CLCN2: variants seen among roughly 807,000 people sequenced by gnomAD.
CLCN2 encodes chloride channel protein 2.
Under a neutral mutation model 108.3 loss-of-function variants are expected in CLCN2, and 72 were observed. The ratio of observed to expected loss-of-function variants is 0.66; its 90% CI spans 0.55 to 0.81. The LOEUF (loss-of-function observed/expected upper bound fraction) is 0.81. Ranked by LOEUF, CLCN2 falls within the 30% of genes least tolerant of loss-of-function variation. CLCN2 has a pLI of 0.00. For missense variants in CLCN2, 1,048 were observed against 1,205.2 expected (o/e 0.87, Z 1.93); for synonymous variants, 471 against 467.1 (o/e 1.01, Z -0.11).
At chr3:184,353,572 C>T in intron 16 of CLCN2, 90 bp downstream of exon 16, 1 of 1,580,134 alleles carries the variant, frequency 6.3e-7, no homozygotes, top group African/African-American at 1.3e-5. Context: ...CCCTTTGGAA[C>T]CAAGGAGACT....
In CLCN2 at chr3:184,356,989, T is replaced by G. The variant is rs1406137128; in HGVS notation, c.1085+4A>C. The G allele has an allele frequency of 6.2e-7, 1 of 1,608,938 alleles. No individual in the cohort carries two copies. Among genetic ancestry groups the G allele is most frequent in the African/African-American group, 1.3e-5 (1 of 74,736 alleles). On this transcript the variant is annotated splice_donor_region_variant and intron_variant, in intron 10 of 23. Coordinates refer to ENST00000265593, the MANE Select transcript of CLCN2 (RefSeq NM_004366.6). ...AGCCTGGAGAGGAGCCGAGAGCCAC[T>G]CACTTCCTCATGAGGAAGCGATTGA...
Position 184,352,722 on chromosome 3 carries a change from G to A in CLCN2, c.2217+15C>T. Reference sequence around the variant, plus strand: ...GGGAAAAAGCAAGCTAGGAGGACAGGCTCCAGCCACTCACCTCCGAAGCAG... The same window carrying A: ...GGGAAAAAGCAAGCTAGGAGGACAGACTCCAGCCACTCACCTCCGAAGCAG... On this transcript the variant is annotated intron_variant, in intron 19 of 23. Coordinates refer to ENST00000265593, the MANE Select transcript of CLCN2 (RefSeq NM_004366.6). 6.2e-7 allele frequency: 1 copy of A among 1,612,410 alleles called. No individual in the cohort carries two copies. Among genetic ancestry groups the A allele is most frequent in the Non-Finnish European group, 8.5e-7 (1 of 1,179,560 alleles).
rs751790331 is a variant in CLCN2 at position 184,358,204 on chromosome 3, C to G, written c.459G>C (p.Gln153His). ...TACCGACAGCCTGAGGGGCCAGGAT[C>G]TGTGTGAATCCGGCTGAGAAAGTGA... ...VLITFSAGFT[Q>H]ILAPQAVGSG... Residue 153 changes from glutamine to histidine, a missense_variant, in exon 4 of 24, where the codon CAG (glutamine) becomes CAC (histidine). By Grantham distance (24) the Gln-to-His change is conservative. Coordinates refer to ENST00000265593, the MANE Select transcript of CLCN2 (RefSeq NM_004366.6). 5.0e-6 allele frequency: 8 copies of G among 1,614,162 alleles called. No individual in the cohort carries two copies. In the Admixed American group the frequency reaches 1.3e-4, roughly 27 times the overall value.
rs746172009 is a variant in CLCN2, at chr3:184,361,462, C to G, written c.18G>C (p.Ala6=). 1 of 1,612,768 alleles carries G rather than the reference C, an allele frequency of 6.2e-7. No individual in the cohort carries two copies. The highest frequency in any genetic ancestry group is 2.2e-5 in the East Asian group (1 of 44,866). The change falls in exon 1 of 24, where the codon GCG becomes GCC. Residue 6 remains alanine, a synonymous_variant. Transcript: ENST00000265593. This position sits in a 1 kb window ranked among gnomAD's most constrained non-coding sequence, Gnocchi z 6.6. ...GCGCCCGTGGCTCCATCCCTTCCTCCGCCGCCGCGGCCGCCATCTCCGCGC... is the reference window on the plus strand; with the variant it reads ...GCGCCCGTGGCTCCATCCCTTCCTCGGCCGCCGCGGCCGCCATCTCCGCGC... The part of the protein sequence containing the change: MAAAA[A]EEGMEPRALQ...
At chr3:184,353,994 T>C (rs1728334973) in intron 15 of CLCN2, 107 bp downstream of exon 15, 1 of 1,375,912 alleles carries the variant, frequency 7.3e-7, no homozygotes. Context: ...AGGTGGCTCA[T>C]CTCCCAGCTT....
chr3:184,357,657 G>A lies in CLCN2; in HGVS notation c.735C>T (p.Ala245=), dbSNP rs770861755. 4.3e-6 allele frequency: 7 copies of A among 1,613,842 alleles called. No individual in the cohort carries two copies. The East Asian group carries it at 6.7e-5, about 15-fold the overall frequency. The stretch of plus-strand genomic sequence containing the variant: ...CCGCGAAGCAGCAGCCCACCCCCAC[G>A]GCACAGGCGGCAGCCAGCATCTCTG... ...RNTEMLAAAC[A]VGVGCCFAAP... is the part of the protein sequence containing the mutation. The change falls in exon 7 of 24, where the codon GCC becomes GCT. Residue 245 remains alanine, a synonymous_variant. Coordinates refer to ENST00000265593, the MANE Select transcript of CLCN2 (RefSeq NM_004366.6).
intron 18 of CLCN2, 53 bp from the exon 19 acceptor site, chr3:184,352,863 G>A (rs1728224523): frequency 1.2e-6 from 2 of 1,600,874 alleles, no homozygotes. Flanking sequence ...TTGGGGAGAG[G>A]ACCAGGAAAG....
In CLCN2 at chr3:184,352,719, C is replaced by G. The variant is rs375337559; in HGVS notation, c.2217+18G>C. 6 of 1,612,404 alleles carry G rather than the reference C, an allele frequency of 3.7e-6. No individual in the cohort carries two copies. Among genetic ancestry groups the G allele is most frequent in the East Asian group, 4.5e-5 (2 of 44,864 alleles). ...CTGGGGAAAAAGCAAGCTAGGAGGA[C>G]AGGCTCCAGCCACTCACCTCCGAAG... On this transcript the variant is annotated intron_variant, in intron 19 of 23. Coordinates refer to ENST00000265593, the MANE Select transcript of CLCN2 (RefSeq NM_004366.6).
rs754847405 is a variant in CLCN2 at position 184,352,442 on chromosome 3, C to G, written c.2271+1G>C. On this transcript the variant is annotated splice_donor_variant, in intron 20 of 23. Transcript: ENST00000265593. LOFTEE classifies it high-confidence loss of function. Reference sequence around the variant, plus strand: ...GATGCTAGAAGAGCAGGCATACTTACTGCCAGGGAGATTCGGACACGCTTC... The same window carrying G: ...GATGCTAGAAGAGCAGGCATACTTAGTGCCAGGGAGATTCGGACACGCTTC... 3 of 1,613,334 alleles carry G rather than the reference C, an allele frequency of 1.9e-6. No homozygotes were observed. Among genetic ancestry groups the G allele is most frequent in the Non-Finnish European group, 2.5e-6 (3 of 1,179,892 alleles).
At position 184,357,854 on chromosome 3, in the gene CLCN2, G is replaced by T. The variant is rs779898064; in HGVS notation, c.618C>A (p.Gly206=). 7.4e-6 allele frequency: 12 copies of T among 1,613,784 alleles called. No homozygotes were observed. The East Asian group carries it at 2.7e-4, about 36-fold the overall frequency. ...ACATGCTTGCGATATGCACAAAAGGGCCCTGCGGGGTGGGGCAGGCGGTGA... is the reference window on the plus strand; with the variant it reads ...ACATGCTTGCGATATGCACAAAAGGTCCCTGCGGGGTGGGGCAGGCGGTGA... ...LGSGMPLGKE[G]PFVHIASMCA... is the part of the protein sequence containing the mutation. Residue 206 remains glycine, a splice_region_variant and synonymous_variant, in exon 6 of 24, where the codon GGC becomes GGA. Transcript: ENST00000265593.
rs200955965 is a variant in CLCN2, at chr3:184,352,698, G to C, written c.2217+39C>G. ...GTCTCAGCATTGGAGAGGGAGCTGG[G>C]GAAAAAGCAAGCTAGGAGGACAGGC... On this transcript the variant is annotated intron_variant, in intron 19 of 23. Coordinates refer to ENST00000265593, the MANE Select transcript of CLCN2 (RefSeq NM_004366.6). The C allele has an allele frequency of 5.1e-5, 82 of 1,607,088 alleles. 1 individual carries two copies. In the East Asian group the frequency reaches 1.6e-3, roughly 31 times the overall value.
Position 184,353,297 on chromosome 3 carries a change from A to T in CLCN2, c.1981T>A (p.Ser661Thr), listed in dbSNP as rs115380062. The stretch of plus-strand genomic sequence containing the variant: ...GGGGTAGGGGGACCCTCCTGATCAG[A>T]TAGTGGAGAGGTCTGGGTGGCTCTG... Reference protein sequence around the residue: ...ERRATQTSPLSDQEGPPTPEA... With the variant: ...ERRATQTSPLTDQEGPPTPEA... Residue 661 changes from serine (S) to threonine (T), a missense_variant, in exon 17 of 24, where the codon TCT (serine) becomes ACT (threonine). Coordinates refer to ENST00000265593, the MANE Select transcript of CLCN2 (RefSeq NM_004366.6). The T allele has an allele frequency of 8.0e-4, 1,296 of 1,613,758 alleles. 14 individuals are homozygous for T. In the African/African-American group the frequency reaches 0.015, roughly 19 times the overall value.
In CLCN2 at chr3:184,352,317, C is replaced by T. The variant is rs1353392195; in HGVS notation, c.2286G>A (p.Leu762=). ...CCTCTTCAGGGCTCATCTCGCCTTC[C>T]AGGTCCGCGTCACTCTAGTAGAGAG... ...VRISLASDAD[L]EGEMSPEEIL... is the part of the protein sequence containing the mutation. The change falls in exon 21 of 24, where the codon CTG becomes CTA. Residue 762 remains leucine (L), a synonymous_variant. Coordinates refer to ENST00000265593, the MANE Select transcript of CLCN2 (RefSeq NM_004366.6). The T allele has an allele frequency of 7.4e-6, 12 of 1,613,660 alleles. No individual in the cohort carries two copies. Among genetic ancestry groups the T allele is most frequent in the Non-Finnish European group, 1.0e-5 (12 of 1,180,022 alleles).
In CLCN2 at chr3:184,356,000, C is replaced by G. The variant is rs1728520465; in HGVS notation, c.1086-222G>C. ...GACCCAAAGACCTTTCTGTCAGCCC[C>G]TGACTCTGTAGGTGGGTAGCAGCAG... is the stretch of plus-strand genomic sequence containing the variant. On this transcript the variant is annotated intron_variant, in intron 10 of 23. Transcript: ENST00000265593. This position sits in a 1 kb window ranked among gnomAD's most constrained non-coding sequence, Gnocchi z 6.3. 1.8e-6 allele frequency: 1 copy of G among 551,574 alleles called. No individual in the cohort carries two copies. The highest frequency in any genetic ancestry group is 3.3e-6 in the Non-Finnish European group (1 of 304,476). 34.2% of individuals were successfully genotyped at this position (551,574 alleles called of 1,614,324 possible).
Position 184,346,598 on chromosome 3 carries a change from C to A in CLCN2, c.*8G>T, listed in dbSNP as rs370458243. ...GGCTAGCACCATCCTAGGCCACCCA[C>A]GAGGGGCTCATTGGCATTTGTCGTC... On this transcript the variant is annotated 3_prime_UTR_variant, in exon 24 of 24. Coordinates refer to ENST00000265593, the MANE Select transcript of CLCN2 (RefSeq NM_004366.6). The surrounding 1 kb of genome is among the most constrained non-coding windows in gnomAD (Gnocchi z 6.0). 2 of 1,613,828 alleles carry A rather than the reference C, an allele frequency of 1.2e-6. No individual in the cohort carries two copies. Among genetic ancestry groups the A allele is most frequent in the Non-Finnish European group, 8.5e-7 (1 of 1,180,012 alleles).
In CLCN2 at chr3:184,355,207, C is replaced by T; in HGVS notation, c.1326+167G>A. 2 of 858,068 alleles carry T rather than the reference C, an allele frequency of 2.3e-6. No individual in the cohort carries two copies. Among genetic ancestry groups the T allele is most frequent in the Non-Finnish European group, 3.9e-6 (2 of 516,550 alleles). 53.2% of individuals were successfully genotyped at this position (858,068 alleles called of 1,614,324 possible). A position where few individuals can be genotyped will look rare whatever the true frequency, so the allele number is the denominator to read the frequency against. On this transcript the variant is annotated intron_variant, in intron 12 of 23. Transcript: ENST00000265593. The surrounding 1 kb of genome is among the most constrained non-coding windows in gnomAD (Gnocchi z 6.3). ...ATCGCTCTGCCCTCTAGCTGTGTGA[C>T]TTTGGGCCAGCTACTTGTGTTTCGA...
chr3:184,353,577 G>C, intron 16 of CLCN2, 85 bp downstream of exon 16: 1 of 1,585,522 alleles, frequency 6.3e-7, no homozygotes, highest in South Asian at 1.1e-5. Flanking sequence ...TGGAACCAAG[G>C]AGACTGGTCC....
intron 10 of CLCN2, chr3:184,356,706 C>A: frequency 2.3e-6 from 1 of 427,182 alleles, no homozygotes; most frequent in Non-Finnish European, 4.3e-6. Flanking sequence ...GAGGCTCAAA[C>A]ACTCTCCAGG....
At chr3:184,348,771 G>A (rs1463947432) in intron 22 of CLCN2, 1 of 152,132 alleles carries the variant, frequency 6.6e-6, no homozygotes, top group Non-Finnish European at 1.5e-5. Flanking sequence ...ATCCTAACCA[G>A]GTGAGCTTCT....
Sources: allele counts gnomAD v4.1 joint callset, GRCh38; gene constraint gnomAD v4.1.1; non-coding constraint Gnocchi (gnomAD v3.1); transcripts MANE v1.5; gene names NCBI Gene and HGNC (gene_info 2026-07-23, HGNC 2026-07-21).